NKAIN3: variants seen among roughly 807,000 people sequenced by gnomAD.
NKAIN3 encodes sodium/potassium-transporting ATPase subunit beta-1-interacting protein 3.
In NKAIN3, 25 loss-of-function variants were observed where a neutral mutation model predicts 30.2. The ratio of observed to expected loss-of-function variants is 0.83; its 90% CI spans 0.60 to 1.16. The LOEUF (loss-of-function observed/expected upper bound fraction) is 1.16. NKAIN3 is among the 50% of genes most tolerant of loss of function. The pLI is 0.00. For missense variants in NKAIN3, 225 were observed against 254.1 expected (o/e 0.89, Z 0.78); for synonymous variants, 91 against 89.6 (o/e 1.02, Z -0.09).
At chr8:62,941,060 C>T (rs1365627436) in intron 5 of NKAIN3, among the ~76,000 whole-genome samples, 2 of 151,134 alleles carry the variant, frequency 1.3e-5, no homozygotes, top group Non-Finnish European at 3.0e-5. Flanking sequence ...CAATTAGAAA[C>T]AAAATGAGAG....
At chr8:62,370,604 G>A (rs543309138) in intron 1 of NKAIN3, among the ~76,000 whole-genome samples, 12 of 151,914 alleles carry the variant, frequency 7.9e-5, no homozygotes, top group Middle Eastern at 3.4e-3. Context: ...TGTTATAAAC[G>A]GAAAAATCTT....
intron 1 of NKAIN3, among the ~76,000 whole-genome samples, chr8:62,335,543 G>C (rs1815519801): frequency 6.6e-6 from 1 of 151,748 alleles, no homozygotes; most frequent in South Asian, 2.1e-4. Context: ...GTAGAGATGA[G>C]ATTCTTTGTG....
chr8:62,502,678 T>A (rs1314151698), intron 1 of NKAIN3, among the ~76,000 whole-genome samples: 1 of 152,190 alleles, frequency 6.6e-6, no homozygotes, highest in Non-Finnish European at 1.5e-5. Flanking sequence ...CTCCAGCCAT[T>A]ATCTACCCTC....
At chr8:62,829,538 A>G (rs563028467) in intron 4 of NKAIN3, among the ~76,000 whole-genome samples, 4 of 152,330 alleles carry the variant, frequency 2.6e-5, no homozygotes, top group African/African-American at 9.6e-5. Context: ...CAAAGGATAA[A>G]TTCTAAATGG....
At chr8:62,635,310 G>A (rs1160057950) in intron 3 of NKAIN3, among the ~76,000 whole-genome samples, 1 of 152,142 alleles carries the variant, frequency 6.6e-6, no homozygotes, top group African/African-American at 2.4e-5. Flanking sequence ...ATAAATTGTA[G>A]TATGAAACAT....
intron 1 of NKAIN3, among the ~76,000 whole-genome samples, chr8:62,448,790 A>G (rs1805558913): frequency 6.6e-6 from 1 of 151,904 alleles, no homozygotes; most frequent in Non-Finnish European, 1.5e-5. Context: ...TCAAATTTTA[A>G]AGTTATAAAG....
chr8:62,269,805 T>C (rs371143689), intron 1 of NKAIN3, among the ~76,000 whole-genome samples: 1 of 152,086 alleles, frequency 6.6e-6, no homozygotes, highest in African/African-American at 2.4e-5. Flanking sequence ...TTGCTGACAT[T>C]GTCTTTGGAT....
intron 3 of NKAIN3, among the ~76,000 whole-genome samples, chr8:62,694,768 C>T (rs1424546805): frequency 6.6e-6 from 1 of 152,124 alleles, no homozygotes; most frequent in Non-Finnish European, 1.5e-5. Context: ...TCACTAAAAC[C>T]AAATATTATC....
chr8:62,425,311 C>A (rs546412476), intron 1 of NKAIN3, among the ~76,000 whole-genome samples: 34 of 151,920 alleles, frequency 2.2e-4, no homozygotes, highest in South Asian at 6.2e-4. Context: ...CAAGGAAAAG[C>A]CTCCCAGGGA....
intron 1 of NKAIN3, among the ~76,000 whole-genome samples, chr8:62,421,920 A>G (rs1242455131): frequency 1.3e-5 from 2 of 152,004 alleles, no homozygotes; most frequent in East Asian, 1.9e-4. Context: ...CTGGGATTCA[A>G]ACTCAAGCCT....
At chr8:62,381,568 A>G (rs906202180) in intron 1 of NKAIN3, among the ~76,000 whole-genome samples, 1 of 152,138 alleles carries the variant, frequency 6.6e-6, no homozygotes, top group African/African-American at 2.4e-5. Context: ...GTTTAGCCAT[A>G]TAAAGCCATA....
chr8:62,715,374 T>C (rs1586121001), intron 3 of NKAIN3, among the ~76,000 whole-genome samples: 1 of 152,222 alleles, frequency 6.6e-6, no homozygotes, highest in Non-Finnish European at 1.5e-5. Context: ...TGTCTCTGTT[T>C]AGCTTCTCTG....
At chr8:62,752,256 T>C (rs1816305640) in intron 4 of NKAIN3, among the ~76,000 whole-genome samples, 1 of 152,196 alleles carries the variant, frequency 6.6e-6, no homozygotes, top group Non-Finnish European at 1.5e-5. Context: ...CAATACATAC[T>C]AGTTTCACAT....
Position 62,744,570 on chromosome 8 carries a change from C to T in NKAIN3, c.274-2362C>T, listed in dbSNP as rs966357325. 3.3e-5 allele frequency among the ~76,000 whole-genome samples: 5 copies of T among 152,270 alleles called. No homozygotes were observed. The East Asian group carries it at 7.7e-4, about 23-fold the overall frequency. ...ATTTTGAGATCATGCTAGTTCATCT[C>T]GAACCTGGTGAATTCTATTAAGATG... On this transcript the variant is annotated intron_variant, in intron 3 of 6. Transcript: ENST00000623646.
intron 4 of NKAIN3, among the ~76,000 whole-genome samples, chr8:62,896,296 C>A (rs544873604): frequency 6.6e-6 from 1 of 152,088 alleles, no homozygotes; most frequent in Non-Finnish European, 1.5e-5. Context: ...GGGCTCCACC[C>A]TCATGACCTA....
chr8:62,867,278 T>C (rs1417204508), intron 4 of NKAIN3, among the ~76,000 whole-genome samples: 2 of 152,130 alleles, frequency 1.3e-5, no homozygotes, highest in Admixed American at 6.6e-5. Flanking sequence ...ATTTCATTAG[T>C]CTTCTCATGT....
intron 5 of NKAIN3, among the ~76,000 whole-genome samples, chr8:62,992,081 C>T (rs1032993955): frequency 1.3e-5 from 2 of 151,696 alleles, no homozygotes; most frequent in Admixed American, 6.6e-5. Context: ...TGCAGTGGCA[C>T]GACCTCAGCA....
chr8:62,832,176 T>C (rs192850606), intron 4 of NKAIN3, among the ~76,000 whole-genome samples: 26 of 151,814 alleles, frequency 1.7e-4, no homozygotes, highest in African/African-American at 6.3e-4. Context: ...AGGAAATTCA[T>C]TATCACTTTA....
In NKAIN3 at chr8:62,803,963, C is replaced by G. The variant is rs900532294; in HGVS notation, c.471+56834C>G. On this transcript the variant is annotated intron_variant, in intron 4 of 6. Coordinates refer to ENST00000623646, the MANE Select transcript of NKAIN3 (RefSeq NM_001304533.3). The stretch of plus-strand genomic sequence containing the variant: ...ACTGATCCCACAGAAATACAAACTA[C>G]CATGAGAGAATACTACAAACACCTC... Among the ~76,000 whole-genome samples, 58 of 152,196 alleles carry G rather than the reference C, an allele frequency of 3.8e-4. 1 individual carries two copies. Among genetic ancestry groups the G allele is most frequent in the African/African-American group, 1.3e-3 (56 of 41,528 alleles).
Sources: gnomAD v4.1 joint callset for allele counts (sites outside exome capture counted in the v4.1 genomes callset) on GRCh38, gnomAD v4.1.1 for gene constraint, MANE v1.5 for transcripts, NCBI Gene and HGNC (gene_info 2026-07-23, HGNC 2026-07-21) for gene names.